Variants in NAALADL2 observed in about 807,000 individuals in gnomAD.
NAALADL2 encodes the protein inactive N-acetylated-alpha-linked acidic dipeptidase-like protein 2.
In NAALADL2, 76 loss-of-function variants were observed where a neutral mutation model predicts 87.2. That is an observed-to-expected ratio of 0.87 (90% confidence interval 0.72 to 1.05). The LOEUF (loss-of-function observed/expected upper bound fraction) is 1.05. Ranked by LOEUF, NAALADL2 falls within the 50% of genes least tolerant of loss-of-function variation. NAALADL2 has a pLI of 0.00. For missense variants in NAALADL2, 1,089 were observed against 945.8 expected (o/e 1.15, Z -1.99); for synonymous variants, 354 against 331.0 (o/e 1.07, Z -0.75).
Position 175,099,973 on chromosome 3 carries a change from A to G in NAALADL2, c.545+2682A>G, listed in dbSNP as rs142966620. 7.1e-3 allele frequency among the ~76,000 whole-genome samples: 1,068 copies of G among 151,130 alleles called. 21 individuals carry two copies. Among genetic ancestry groups the G allele is most frequent in the African/African-American group, 0.025 (1,030 of 41,340 alleles). ...TGTATTTTAAAATTTTATCATTTAG[A>G]TTTTTCATATTATATTACAATTTAT... On this transcript the variant is annotated intron_variant, in intron 2 of 13. Transcript: ENST00000454872.
At chr3:175,368,596 T>TG (rs397838105) in intron 5 of NAALADL2, among the ~76,000 whole-genome samples, 12 of 151,572 alleles carry the variant, frequency 7.9e-5, no homozygotes, top group Admixed American at 3.3e-4. Context: ...TGTGTGTGTG[T>TG]TTATAGCCAG....
intron 3 of NAALADL2, among the ~76,000 whole-genome samples, chr3:174,787,140 A>C (rs1187607010): frequency 1.7e-4 from 26 of 152,082 alleles, no homozygotes; most frequent in Admixed American, 1.6e-3. Context: ...CATTTTATGA[A>C]TACATGAAAT....
chr3:174,967,895 A>G (rs984079665), intron 1 of NAALADL2, among the ~76,000 whole-genome samples: 1 of 152,170 alleles, frequency 6.6e-6, no homozygotes, highest in African/African-American at 2.4e-5. Context: ...GCAGCAATAC[A>G]CAGCTGACAT....
intron 2 of NAALADL2, among the ~76,000 whole-genome samples, chr3:174,683,109 A>G (rs1325670380): frequency 1.3e-5 from 2 of 152,216 alleles, no homozygotes; most frequent in Non-Finnish European, 2.9e-5. Context: ...TCCAGTTGAG[A>G]AATGCAATTG....
chr3:174,548,339 A>G (rs1711628932), intron 1 of NAALADL2, among the ~76,000 whole-genome samples: 1 of 152,174 alleles, frequency 6.6e-6, no homozygotes, highest in Admixed American at 6.6e-5. Context: ...TTGGACTCAC[A>G]GTACAGTATA....
In NAALADL2 at chr3:174,743,777, C is replaced by A. The variant is rs538130080; in HGVS notation, c.-9+6031C>A. ...TTCTACAGCCAGTAATAATAATAAC[C>A]ATCTTACAGGCATAAGTCTAAAGAA... On this transcript the variant is annotated intron_variant, in intron 3 of 3. Coordinates refer to the NAALADL2 transcript ENST00000434257. Among the ~76,000 whole-genome samples the A allele has an allele frequency of 1.8e-4, 27 of 151,864 alleles. No homozygotes were observed. In the South Asian group the frequency reaches 5.2e-3, roughly 29 times the overall value.
intron 1 of NAALADL2, among the ~76,000 whole-genome samples, chr3:174,494,048 G>T (rs1718370101): frequency 6.6e-6 from 1 of 152,132 alleles, no homozygotes; most frequent in Non-Finnish European, 1.5e-5. Context: ...GCCAGGTGGA[G>T]AAAGTATTAG....
intron 1 of NAALADL2, among the ~76,000 whole-genome samples, chr3:175,089,605 A>G (rs549033771): frequency 6.6e-6 from 1 of 152,210 alleles, no homozygotes. Context: ...GTGAATTAGC[A>G]TATAATTTTG....
At chr3:174,879,340 C>T (rs1376095435) in intron 1 of NAALADL2, among the ~76,000 whole-genome samples, 1 of 152,028 alleles carries the variant, frequency 6.6e-6, no homozygotes, top group Non-Finnish European at 1.5e-5. Context: ...TTATCCCCTT[C>T]ATTGTAGATT....
chr3:175,643,911 A>T (rs1405493513), intron 11 of NAALADL2, among the ~76,000 whole-genome samples: 1 of 152,122 alleles, frequency 6.6e-6, no homozygotes, highest in East Asian at 1.9e-4. Flanking sequence ...TCTTGTAATC[A>T]TATGTGTGGC....
intron 2 of NAALADL2, among the ~76,000 whole-genome samples, chr3:174,589,670 T>C (rs1296490875): frequency 6.6e-6 from 1 of 152,214 alleles, no homozygotes; most frequent in East Asian, 1.9e-4. Context: ...TATACCAAGC[T>C]GTAGTATTCA....
chr3:175,288,068 A>G (rs1755195139), intron 4 of NAALADL2, among the ~76,000 whole-genome samples: 1 of 152,154 alleles, frequency 6.6e-6, no homozygotes, highest in African/African-American at 2.4e-5. Context: ...GTCAGGATTC[A>G]GACATGTCTA....
chr3:175,010,507 C>A (rs1415339719), intron 1 of NAALADL2, among the ~76,000 whole-genome samples: 1 of 152,092 alleles, frequency 6.6e-6, no homozygotes, highest in Admixed American at 6.6e-5. Flanking sequence ...GCAAAATTAT[C>A]TTAATATAAC....
At chr3:175,012,743 C>T in intron 1 of NAALADL2, among the ~76,000 whole-genome samples, 1 of 151,842 alleles carries the variant, frequency 6.6e-6, no homozygotes, top group East Asian at 1.9e-4. Context: ...TGACGGGGAA[C>T]ACTTGCCTTG....
chr3:175,068,460 A>G (rs1211928433), intron 1 of NAALADL2, among the ~76,000 whole-genome samples: 1 of 152,128 alleles, frequency 6.6e-6, no homozygotes, highest in African/African-American at 2.4e-5. Flanking sequence ...AAAACAAAAC[A>G]TTGAATGTTG....
intron 2 of NAALADL2, among the ~76,000 whole-genome samples, chr3:174,658,464 G>C (rs961821316): frequency 2.0e-5 from 3 of 151,828 alleles, no homozygotes; most frequent in African/African-American, 7.3e-5. Context: ...TTTAAATCAG[G>C]GTTTTTTATT....
At chr3:175,478,059 T>C (rs964579631) in intron 9 of NAALADL2, among the ~76,000 whole-genome samples, 1 of 152,074 alleles carries the variant, frequency 6.6e-6, no homozygotes, top group African/African-American at 2.4e-5. Context: ...GTACAACTGA[T>C]GTGGAAACAT....
intron 13 of NAALADL2, among the ~76,000 whole-genome samples, chr3:175,771,147 T>G (rs1181084050): frequency 6.6e-6 from 1 of 152,194 alleles, no homozygotes; most frequent in Non-Finnish European, 1.5e-5. Flanking sequence ...CCCTTTTATT[T>G]TATGTATTTA....
At chr3:174,639,956 G>A (rs1330712486) in intron 2 of NAALADL2, among the ~76,000 whole-genome samples, 1 of 151,952 alleles carries the variant, frequency 6.6e-6, no homozygotes, top group Non-Finnish European at 1.5e-5. Flanking sequence ...CTCATGTTAG[G>A]CAACTGGTGT....
Sources: allele counts gnomAD v4.1 joint callset (sites outside exome capture counted in the v4.1 genomes callset), GRCh38; gene constraint gnomAD v4.1.1; transcripts MANE v1.5; gene names NCBI Gene and HGNC (gene_info 2026-07-23, HGNC 2026-07-21).